IPO11: variants seen among roughly 807,000 people sequenced by gnomAD.
IPO11 encodes the protein importin 11.
In IPO11, 66 loss-of-function variants were observed where a neutral mutation model predicts 143.2. The observed-to-expected ratio is 0.46, with a 90% CI of 0.38 to 0.57. IPO11 has a LOEUF of 0.57. Among genes scored for constraint, IPO11 ranks in the 20% least tolerant of loss-of-function variants. IPO11 has a pLI of 0.00. For missense variants in IPO11, 1,026 were observed against 1,141.0 expected (o/e 0.90, Z 1.45); for synonymous variants, 385 against 377.8 (o/e 1.02, Z -0.22).
At chr5:62,454,932 A>G (rs1745073820) in intron 5 of IPO11, among the ~76,000 whole-genome samples, 2 of 152,228 alleles carry the variant, frequency 1.3e-5, no homozygotes, top group Admixed American at 1.3e-4. Flanking sequence ...GAGATTAGTC[A>G]GAGCTAGAGA....
intron 5 of IPO11, among the ~76,000 whole-genome samples, chr5:62,458,537 A>G (rs879481340): frequency 6.6e-6 from 1 of 152,118 alleles, no homozygotes; most frequent in Non-Finnish European, 1.5e-5. Context: ...CTGACCTCAA[A>G]TGATCTGCCC....
At chr5:62,442,527 G>T (rs894483383) in intron 2 of IPO11, among the ~76,000 whole-genome samples, 1 of 152,098 alleles carries the variant, frequency 6.6e-6, no homozygotes, top group East Asian at 1.9e-4. Context: ...ATATCGATAT[G>T]ATATATGTAG....
At chr5:62,431,337 C>T (rs1743979590) in intron 1 of IPO11, among the ~76,000 whole-genome samples, 1 of 151,790 alleles carries the variant, frequency 6.6e-6, no homozygotes, top group Non-Finnish European at 1.5e-5. Flanking sequence ...CACTTCTGTG[C>T]ACAGTACTCA....
chr5:62,551,451 A>C, intron 26 of IPO11, 115 bp downstream of exon 26: 1 of 558,746 alleles, frequency 1.8e-6, no homozygotes, highest in Non-Finnish European at 3.2e-6. Context: ...AGACCTTTAC[A>C]TTTTAAATCT....
chr5:62,457,027 C>A (rs1388719066), intron 5 of IPO11, among the ~76,000 whole-genome samples: 1 of 152,090 alleles, frequency 6.6e-6, no homozygotes, highest in East Asian at 1.9e-4. Context: ...TTGCAGTGAG[C>A]CGAGATCACG....
At chr5:62,481,487 C>T (rs377303918) in intron 9 of IPO11, among the ~76,000 whole-genome samples, 6 of 152,054 alleles carry the variant, frequency 3.9e-5, no homozygotes, top group Admixed American at 2.0e-4. Context: ...TGAATTTTGT[C>T]GAAGGCCTTT....
At chr5:62,479,525 A>C (rs1372431240) in intron 9 of IPO11, among the ~76,000 whole-genome samples, 1 of 152,162 alleles carries the variant, frequency 6.6e-6, no homozygotes, top group Non-Finnish European at 1.5e-5. Context: ...TGTCTTCCAC[A>C]ATGGTTGAAC....
intron 24 of IPO11, among the ~76,000 whole-genome samples, chr5:62,542,937 T>C (rs1213971349): frequency 6.6e-6 from 1 of 152,204 alleles, no homozygotes; most frequent in Non-Finnish European, 1.5e-5. Flanking sequence ...TATTGTGTAA[T>C]AATAATAGCT....
intron 29 of IPO11, among the ~76,000 whole-genome samples, chr5:62,613,833 T>C (rs1159443940): frequency 6.6e-6 from 1 of 152,134 alleles, no homozygotes; most frequent in South Asian, 2.1e-4. Flanking sequence ...ATTTTCCCCA[T>C]CTGAGATCCC....
intron 27 of IPO11, among the ~76,000 whole-genome samples, chr5:62,584,818 G>A (rs567087907): frequency 2.6e-5 from 4 of 151,068 alleles, no homozygotes; most frequent in Non-Finnish European, 4.4e-5. Flanking sequence ...TTGTGTGGCC[G>A]CACACTTTTA....
In IPO11 at chr5:62,449,996, C is replaced by T. The variant is rs1324233364; in HGVS notation, c.309C>T (p.Asn103=). 2.5e-6 allele frequency: 4 copies of T among 1,590,262 alleles called. No homozygotes were observed. Among genetic ancestry groups the T allele is most frequent in the African/African-American group, 2.7e-5 (2 of 74,034 alleles). Residue 103 remains asparagine, a synonymous_variant, in exon 4 of 30, where the codon AAC becomes AAT. Coordinates refer to ENST00000325324, the MANE Select transcript of IPO11 (RefSeq NM_016338.5). ...GLITNFNEPI[N]QIATQIAVLI... ...TCACCAACTTCAATGAACCAATAAA[C>T]CAGGTTAGTGAGAAATGAATGCTAA...
intron 27 of IPO11, chr5:62,580,863 A>G: frequency 1.9e-6 from 3 of 1,551,394 alleles, no homozygotes; most frequent in Non-Finnish European, 2.6e-6. Flanking sequence ...TTGGTAATCC[A>G]TTAGAGACTA....
chr5:62,456,014 T>C (rs778479560), intron 5 of IPO11, among the ~76,000 whole-genome samples: 31 of 151,836 alleles, frequency 2.0e-4, no homozygotes, highest in Non-Finnish European at 4.0e-4. Flanking sequence ...CGTGTACCAC[T>C]GTGCCTGGCC....
chr5:62,598,391 G>GCTTGCTTTCTTTCTTT (rs1745312271), intron 28 of IPO11, among the ~76,000 whole-genome samples: 1 of 36,504 alleles, frequency 2.7e-5, no homozygotes, highest in Non-Finnish European at 4.4e-5. Flanking sequence ...TTGCTTGCTT[G>GCTTGCTTTCTTTCTTT]CTTTCTTTCT....
At chr5:62,435,033 A>T (rs530600360) in intron 1 of IPO11, among the ~76,000 whole-genome samples, 214 of 144,994 alleles carry the variant, frequency 1.5e-3, no homozygotes, top group African/African-American at 5.0e-3. Flanking sequence ...TCAAAAAAAA[A>T]ATATATATGT....
At chr5:62,425,374 A>G (rs183398633) in intron 1 of IPO11, among the ~76,000 whole-genome samples, 5 of 152,282 alleles carry the variant, frequency 3.3e-5, no homozygotes, top group African/African-American at 4.8e-5. Flanking sequence ...CTGAAGTACA[A>G]TGGTGCAATC....
intron 4 of IPO11, among the ~76,000 whole-genome samples, chr5:62,450,793 AT>A (rs1258369946): frequency 1.3e-5 from 2 of 150,956 alleles, no homozygotes; most frequent in Admixed American, 1.3e-4. Context: ...TTTTTTTTAT[AT>A]TGAGGTCTTC....
At chr5:62,442,868 C>CAAAACAAAAA in intron 2 of IPO11, 115 bp from the exon 3 acceptor site, 1 of 584,244 alleles carries the variant, frequency 1.7e-6, no homozygotes, top group Non-Finnish European at 2.8e-6. Flanking sequence ...GTCTCAAAAA[C>CAAAACAAAAA]AAAACAAAAC....
At chr5:62,589,405 A>G (rs1237891765) in intron 27 of IPO11, among the ~76,000 whole-genome samples, 3 of 152,012 alleles carry the variant, frequency 2.0e-5, no homozygotes, top group African/African-American at 4.8e-5. Context: ...TGTATCCCCT[A>G]TTGGATTGAG....
Sources: gnomAD v4.1 joint callset for allele counts (sites outside exome capture counted in the v4.1 genomes callset) on GRCh38, gnomAD v4.1.1 for gene constraint, MANE v1.5 for transcripts, NCBI Gene and HGNC (gene_info 2026-07-23, HGNC 2026-07-21) for gene names.